HLA-DPB1: variants seen among roughly 807,000 people sequenced by gnomAD.
HLA-DPB1 encodes the protein major histocompatibility complex, class II, DP beta 1, also known as HLA class II histocompatibility antigen, DP beta 1 chain.
In HLA-DPB1, 30 loss-of-function variants were observed where a neutral mutation model predicts 29.4. The observed-to-expected ratio is 1.02, with a 90% CI of 0.76 to 1.38. The LOEUF (loss-of-function observed/expected upper bound fraction) is 1.38, where lower values mean the gene tolerates loss of function less well. Among genes scored for constraint, HLA-DPB1 ranks in the 40% most tolerant of loss-of-function variants. HLA-DPB1 has a pLI of 0.00. For missense variants in HLA-DPB1, 261 were observed against 327.5 expected, an observed-to-expected ratio of 0.80 and a Z score of 1.57; for synonymous variants, 114 against 134.0, an observed-to-expected ratio of 0.85 and a Z score of 1.03.
At chr6:33,085,492 CTT>C (rs200465564) in intron 3 of HLA-DPB1, among the ~76,000 whole-genome samples, 2 of 150,804 alleles carry the variant, frequency 1.3e-5, no homozygotes, top group African/African-American at 4.9e-5. Context: ...AACCCTCACA[CTT>C]AGGAACTGAC....
rs894159892 is a variant in HLA-DPB1, at chr6:33,080,414, C to T, written c.101-258C>T. ...AAGGGACTGCCTTCCCCTCAGTGCT[C>T]GCCCCTCCCTAGTGATCACTCAGTG... On this transcript the variant is annotated intron_variant, in intron 1 of 5. Transcript: ENST00000418931. The surrounding 1 kb of genome is among the most constrained non-coding windows in gnomAD (Gnocchi z 4.3). 8.9e-6 allele frequency: 6 copies of T among 676,718 alleles called. No individual in the cohort carries two copies. The highest frequency in any genetic ancestry group is 1.7e-5 in the Non-Finnish European group (6 of 363,260). The allele number at this position is 676,718 out of a possible 1,614,324, so 41.9% of individuals were successfully genotyped here.
rs751536871 is a variant in HLA-DPB1, at chr6:33,080,679, C to CGTG, written c.108_109insGTG (p.Tyr36_Leu37insVal). ...TCCGCCCCCTCCCCGCAGAGAATTACCTTTTCCAGGGACGGCAGGAATGCT... is the reference window on the plus strand; with the variant it reads ...TCCGCCCCCTCCCCGCAGAGAATTACGTGCTTTTCCAGGGACGGCAGGAATGCT... On this transcript the variant is annotated inframe_insertion, in exon 2 of 6. Coordinates refer to ENST00000418931, the MANE Select transcript of HLA-DPB1 (RefSeq NM_002121.6). The surrounding 1 kb of genome is among the most constrained non-coding windows in gnomAD (Gnocchi z 4.3). 6.8e-6 allele frequency: 11 copies of CGTG among 1,612,636 alleles called. 1 individual carries two copies. The Middle Eastern group carries it at 1.5e-3, about 218-fold the overall frequency.
rs1353428185 is a variant in HLA-DPB1, at chr6:33,085,088, G to T, written c.503G>T (p.Gly168Val). The T allele has an allele frequency of 6.2e-7, 1 of 1,613,888 alleles. No individual in the cohort carries two copies. Among genetic ancestry groups the T allele is most frequent in the Admixed American group, 1.7e-5 (1 of 60,020 alleles). ...CTGAATGGACAGGAGGAAACAGCTGGGGTCGTGTCCACCAACCTGATCCGT... is the reference window on the plus strand; with the variant it reads ...CTGAATGGACAGGAGGAAACAGCTGTGGTCGTGTCCACCAACCTGATCCGT... ...WFLNGQEETA[G>V]VVSTNLIRNG... is the part of the protein sequence containing the mutation. The change falls in exon 3 of 6, where the codon GGG (glycine) becomes GTG (valine). Residue 168 changes from glycine (G) to valine (V), a missense_variant. Coordinates refer to ENST00000418931, the MANE Select transcript of HLA-DPB1 (RefSeq NM_002121.6).
Position 33,082,124 on chromosome 6 carries a change from C to T in HLA-DPB1, c.364+1189C>T, listed in dbSNP as rs149353765. On this transcript the variant is annotated intron_variant, in intron 2 of 5. Transcript: ENST00000418931. Reference sequence around the variant, plus strand: ...TGCTATGAGTGAGAAGGTGGACACACTGGGTGGGGATGAGGTGAGTGACAT... The same window carrying T: ...TGCTATGAGTGAGAAGGTGGACACATTGGGTGGGGATGAGGTGAGTGACAT... 5.1e-3 allele frequency: 770 copies of T among 152,346 alleles called. 3 individuals carry two copies. Among genetic ancestry groups the T allele is most frequent in the East Asian group, 0.011 (56 of 5,190 alleles). 9.4% of individuals were successfully genotyped at this position (152,346 alleles called of 1,614,324 possible).
intron 2 of HLA-DPB1, chr6:33,084,130 A>G (rs1296791686): frequency 6.6e-6 from 1 of 152,210 alleles, no homozygotes; most frequent in African/African-American, 2.4e-5. Flanking sequence ...AAGTTATTAG[A>G]TTCACAGGCC....
intron 3 of HLA-DPB1, 40 bp from the exon 4 acceptor site, chr6:33,085,739 C>T: frequency 1.5e-6 from 2 of 1,297,460 alleles, no homozygotes; most frequent in African/African-American, 1.5e-5. Context: ...AGGGATGCAG[C>T]TGGTGGAGGT....
intron 1 of HLA-DPB1, chr6:33,079,978 A>G (rs1762750059): frequency 4.5e-6 from 1 of 220,246 alleles, no homozygotes. Context: ...TGTTGTGGTG[A>G]TTTTCATTGT....
chr6:33,083,165 G>A (rs1762948581), intron 2 of HLA-DPB1, among the ~76,000 whole-genome samples: 1 of 152,190 alleles, frequency 6.6e-6, no homozygotes. Flanking sequence ...CACATTGAGG[G>A]AAGAGGCTGA....
At position 33,089,358 on chromosome 6, in the gene HLA-DPB1, G is replaced by A. The variant is rs138293641; in HGVS notation, c.*2824G>A. Among the ~76,000 whole-genome samples, 313 of 152,268 alleles carry A rather than the reference G, an allele frequency of 2.1e-3. 1 individual carries two copies. Among genetic ancestry groups the A allele is most frequent in the African/African-American group, 7.3e-3 (304 of 41,532 alleles). On this transcript the variant is annotated 3_prime_UTR_variant, in exon 6 of 6. Transcript: ENST00000418931. The stretch of plus-strand genomic sequence containing the variant: ...ACACAGTAAGAATAGGATCAGCTGT[G>A]CTAAACTAACAAATACCCAGATATC...
intron 1 of HLA-DPB1, chr6:33,079,875 C>T (rs575627475): frequency 1.4e-5 from 4 of 294,108 alleles, no homozygotes; most frequent in South Asian, 1.2e-4. Flanking sequence ...TTCATGTCCA[C>T]GTTTTGTGTG....
chr6:33,084,901 G>A (rs753229184), intron 2 of HLA-DPB1, 49 bp from the exon 3 acceptor site: 2 of 1,070,302 alleles, frequency 1.9e-6, no homozygotes, highest in Non-Finnish European at 2.6e-6. Context: ...AGGAAGGAAA[G>A]AAGGACAATC....
chr6:33,085,679 T>G (rs1457793717), intron 3 of HLA-DPB1, 100 bp from the exon 4 acceptor site: 1 of 848,318 alleles, frequency 1.2e-6, no homozygotes, highest in Non-Finnish European at 2.0e-6. Context: ...TGCACTGTCC[T>G]CATCCCGATA....
intron 1 of HLA-DPB1, among the ~76,000 whole-genome samples, chr6:33,077,020 T>G (rs927221926): frequency 6.6e-6 from 1 of 151,540 alleles, no homozygotes; most frequent in Non-Finnish European, 1.5e-5. Flanking sequence ...GCTGCACCCA[T>G]TAACTCGTCA....
intron 1 of HLA-DPB1, among the ~76,000 whole-genome samples, chr6:33,078,051 C>T (rs750209862): frequency 2.0e-5 from 3 of 151,898 alleles, no homozygotes; most frequent in Admixed American, 6.6e-5. Context: ...GAGGAAGTGA[C>T]GGATGCAGCG....
chr6:33,076,274 C>A (rs1762533096), intron 1 of HLA-DPB1, 133 bp downstream of exon 1: 1 of 637,924 alleles, frequency 1.6e-6, no homozygotes, highest in Admixed American at 2.8e-5. Context: ...CTCTTCCCAG[C>A]TAGAGAAAGA....
At chr6:33,086,160 T>C in intron 4 of HLA-DPB1, 59 bp from the exon 5 acceptor site, 1 of 1,400,138 alleles carries the variant, frequency 7.1e-7, no homozygotes, top group Non-Finnish European at 1.0e-6. Flanking sequence ...GAAATGTTTC[T>C]CTAATTATCT....
chr6:33,078,768 A>G (rs567599044), intron 1 of HLA-DPB1, among the ~76,000 whole-genome samples: 1 of 152,354 alleles, frequency 6.6e-6, no homozygotes, highest in Non-Finnish European at 1.5e-5. Flanking sequence ...AAATGTTGCA[A>G]AGAAAAAATT....
rs140975703 is a variant in HLA-DPB1, at chr6:33,088,239, C to G, written c.*1705C>G. Among the ~76,000 whole-genome samples the G allele has an allele frequency of 1.3e-5, 2 of 152,312 alleles. No homozygotes were observed. The highest frequency in any genetic ancestry group is 2.9e-5 in the Non-Finnish European group (2 of 68,024). The stretch of plus-strand genomic sequence containing the variant: ...ATCCTCAGACCCAGAGCACATAAAT[C>G]CTACCCTCAGAGTCACTGAGCAGTT... On this transcript the variant is annotated 3_prime_UTR_variant, in exon 6 of 6. Transcript: ENST00000418931.
chr6:33,079,872 C>T (rs972755763), intron 1 of HLA-DPB1: 2 of 307,560 alleles, frequency 6.5e-6, no homozygotes, highest in East Asian at 9.0e-5. Flanking sequence ...AAGTTCATGT[C>T]CACGTTTTGT....
Sources: gnomAD v4.1 joint callset for allele counts (sites outside exome capture counted in the v4.1 genomes callset) on GRCh38, gnomAD v4.1.1 for gene constraint, Gnocchi (gnomAD v3.1) non-coding constraint, MANE v1.5 for transcripts, NCBI Gene and HGNC (gene_info 2026-07-23, HGNC 2026-07-21) for gene names.